The following PPP1R14D variants were observed in gnomAD, a reference collection of about 807,000 sequenced individuals.
PPP1R14D encodes the protein protein phosphatase 1 regulatory inhibitor subunit 14D.
A neutral mutation model predicts 17.1 loss-of-function variants in PPP1R14D; 14 were observed. The observed-to-expected ratio is 0.82, with a 90% CI of 0.54 to 1.28. The LOEUF (loss-of-function observed/expected upper bound fraction) is 1.28, where lower values mean the gene tolerates loss of function less well. Ranked by LOEUF, PPP1R14D falls within the 50% of genes most tolerant of loss-of-function variation. PPP1R14D has a pLI of 0.00. For missense variants in PPP1R14D, 173 were observed against 179.2 expected, an observed-to-expected ratio of 0.97 and a Z score of 0.20; for synonymous variants, 67 against 66.1, an observed-to-expected ratio of 1.01 and a Z score of -0.06.
chr15:40,815,910 C>A, intron 3 of PPP1R14D, 52 bp downstream of exon 3: 1 of 1,605,798 alleles, frequency 6.2e-7, no homozygotes, highest in Non-Finnish European at 8.5e-7. Context: ...CATTAGCTAC[C>A]TCCCCCATTG....
At chr15:40,821,067 G>A (rs1182664090) in intron 1 of PPP1R14D, among the ~76,000 whole-genome samples, 3 of 151,648 alleles carry the variant, frequency 2.0e-5, no homozygotes, top group Non-Finnish European at 2.9e-5. Context: ...GCCGGGTGCC[G>A]TGGCTCACGC....
chr15:40,827,474 C>T (rs1290337872), intron 1 of PPP1R14D, among the ~76,000 whole-genome samples: 2 of 152,090 alleles, frequency 1.3e-5, no homozygotes, highest in African/African-American at 4.8e-5. Flanking sequence ...CGGCATTGCA[C>T]TCCAGGCTGG....
At chr15:40,827,985 A>C (rs1890899036) in intron 1 of PPP1R14D, among the ~76,000 whole-genome samples, 1 of 152,152 alleles carries the variant, frequency 6.6e-6, no homozygotes, top group Non-Finnish European at 1.5e-5. Context: ...GAAAAAGAAA[A>C]GAAACGAAAA....
chr15:40,815,521 A>G lies in PPP1R14D; in HGVS notation c.*175T>C. ...TGGACAACAGCCAGCTTTCTCCCAGAGAGCCCAGCTGACAGAAACTAGCTG... is the reference window on the plus strand; with the variant it reads ...TGGACAACAGCCAGCTTTCTCCCAGGGAGCCCAGCTGACAGAAACTAGCTG... On this transcript the variant is annotated 3_prime_UTR_variant, in exon 4 of 4. Coordinates refer to ENST00000299174, the MANE Select transcript of PPP1R14D (RefSeq NM_017726.8). 1.2e-6 allele frequency: 1 copy of G among 805,752 alleles called. No homozygotes were observed. The highest frequency in any genetic ancestry group is 1.9e-6 in the Non-Finnish European group (1 of 525,214). 49.9% of individuals were successfully genotyped at this position (805,752 alleles called of 1,614,324 possible).
intron 1 of PPP1R14D, among the ~76,000 whole-genome samples, chr15:40,822,169 A>C (rs1890790881): frequency 6.6e-6 from 1 of 152,016 alleles, no homozygotes; most frequent in Non-Finnish European, 1.5e-5. Context: ...ATCTGAAGTT[A>C]GCTTATTACT....
At chr15:40,823,408 G>A (rs982500396) in intron 1 of PPP1R14D, among the ~76,000 whole-genome samples, 2 of 151,902 alleles carry the variant, frequency 1.3e-5, no homozygotes, top group East Asian at 3.9e-4. Context: ...TACCCAGCAG[G>A]AAAAAAAGAA....
intron 1 of PPP1R14D, chr15:40,817,123 A>C (rs1369842332): frequency 6.3e-6 from 1 of 159,608 alleles, no homozygotes; most frequent in African/African-American, 2.5e-5. Flanking sequence ...TTGGGAGGCC[A>C]AGGCGGGTGT....
intron 1 of PPP1R14D, among the ~76,000 whole-genome samples, chr15:40,827,672 G>A (rs1430843361): frequency 6.6e-6 from 1 of 152,154 alleles, no homozygotes; most frequent in Non-Finnish European, 1.5e-5. Flanking sequence ...TGTAATCCCA[G>A]CACTTTGAGA....
intron 3 of PPP1R14D, 44 bp from the exon 4 acceptor site, chr15:40,815,805 C>A: frequency 6.5e-7 from 1 of 1,540,876 alleles, no homozygotes; most frequent in South Asian, 1.2e-5. Flanking sequence ...GGTCACAATT[C>A]ACCCCCCACC....
chr15:40,818,771 A>G (rs1023928324), intron 1 of PPP1R14D, among the ~76,000 whole-genome samples: 1 of 152,202 alleles, frequency 6.6e-6, no homozygotes, highest in Non-Finnish European at 1.5e-5. Flanking sequence ...TGACACTATA[A>G]CGGTGGATAC....
Position 40,816,219 on chromosome 15 carries a change from AG to A in PPP1R14D, c.289del (p.Leu97TrpfsTer66). 6.2e-7 allele frequency: 1 copy of A among 1,614,142 alleles called. No individual in the cohort carries two copies. The highest frequency in any genetic ancestry group is 8.5e-7 in the Non-Finnish European group (1 of 1,180,042). ...TGTGGATAGATCCATGAGAGCTTCC[AG>A]GTCAATCTCAGGCTCAGAAGGGGTT... ...QATPSEPEIDLEALMDLSTEE... is the reference protein window; with the variant it reads ...QATPSEPEIDXEALMDLSTEE... On this transcript the variant is annotated frameshift_variant, in exon 2 of 4. Coordinates refer to ENST00000299174, the MANE Select transcript of PPP1R14D (RefSeq NM_017726.8). LOFTEE classifies it high-confidence loss of function.
rs747121904 is a variant in PPP1R14D, at chr15:40,815,744, C to T, written c.390G>A (p.Leu130=). 4 of 1,612,666 alleles carry T rather than the reference C, an allele frequency of 2.5e-6. No individual in the cohort carries two copies. In the Admixed American group the frequency reaches 6.7e-5, roughly 27 times the overall value. ...TCCGGAGTTTCTTGAGTTGACTGAGCAGCTCAGAGATAAAAGCCTGAGGGA... is the reference window on the plus strand; with the variant it reads ...TCCGGAGTTTCTTGAGTTGACTGAGTAGCTCAGAGATAAAAGCCTGAGGGA... ...PRPTEAFISE[L]LSQLKKLRRL... The change falls in exon 4 of 4, where the codon CTG becomes CTA. Residue 130 remains leucine (L), a synonymous_variant. Transcript: ENST00000299174.
chr15:40,828,584 A>C lies in PPP1R14D; in HGVS notation c.58T>G (p.Cys20Gly). ...CCAGAAGCCCAGTGGACCTTCTTAC[A>C]TGGGTTCTCCCCATCTGGGCTGGGA... is the stretch of plus-strand genomic sequence containing the variant. ...TSPSPDGENP[C>G]KKVHWASGRR... Residue 20 changes from cysteine (C) to glycine (G), a missense_variant, in exon 1 of 4, where the codon TGT becomes GGT. Cys to Gly is a radical substitution (Grantham distance 159, BLOSUM62 -3). Transcript: ENST00000299174. 1 of 1,614,026 alleles carries C rather than the reference A, an allele frequency of 6.2e-7. No individual in the cohort carries two copies. Among genetic ancestry groups the C allele is most frequent in the Non-Finnish European group, 8.5e-7 (1 of 1,179,950 alleles).
At position 40,816,000 on chromosome 15, in the gene PPP1R14D, TAGG is replaced by T. The variant is rs1249417151; in HGVS notation, c.340-9_340-7del. The T allele has an allele frequency of 5.0e-6, 8 of 1,613,894 alleles. No individual in the cohort carries two copies. The highest frequency in any genetic ancestry group is 1.6e-4 in the Middle Eastern group (1 of 6,084). On this transcript the variant is annotated splice_region_variant and splice_polypyrimidine_tract_variant and intron_variant, in intron 2 of 3. Transcript: ENST00000299174. ...GGGCAGTTCCCAAGAATGGCCTAGA[TAGG>T]AGAGAACACAGACAGGGCCCCAAGT...
At chr15:40,821,158 A>T (rs1890769729) in intron 1 of PPP1R14D, among the ~76,000 whole-genome samples, 1 of 152,000 alleles carries the variant, frequency 6.6e-6, no homozygotes, top group Non-Finnish European at 1.5e-5. Context: ...AACATGGTGA[A>T]ACCCCATCTC....
At chr15:40,823,539 G>A (rs953006100) in intron 1 of PPP1R14D, among the ~76,000 whole-genome samples, 4 of 152,156 alleles carry the variant, frequency 2.6e-5, no homozygotes, top group Non-Finnish European at 5.9e-5. Context: ...CATAGTAAGT[G>A]ACCTATATAG....
intron 1 of PPP1R14D, among the ~76,000 whole-genome samples, chr15:40,819,196 G>C (rs1292698751): frequency 6.6e-6 from 1 of 152,158 alleles, no homozygotes; most frequent in Non-Finnish European, 1.5e-5. Context: ...TACTAGTACA[G>C]TTTAGTGCCA....
In PPP1R14D at chr15:40,816,499, G is replaced by A. The variant is rs542699635; in HGVS notation, c.256-246C>T. Among the ~76,000 whole-genome samples, 9 of 152,264 alleles carry A rather than the reference G, an allele frequency of 5.9e-5. No individual in the cohort carries two copies. In the South Asian group the frequency reaches 1.9e-3, roughly 32 times the overall value. On this transcript the variant is annotated intron_variant, in intron 1 of 3. Transcript: ENST00000299174. ...AGGCCGAGGCAGGCAGATCACCTGAGGTCAGGAGTTTAAGACCAGCCTGGC... is the reference window on the plus strand; with the variant it reads ...AGGCCGAGGCAGGCAGATCACCTGAAGTCAGGAGTTTAAGACCAGCCTGGC...
rs577967586 is a variant in PPP1R14D, at chr15:40,823,131, A to G, written c.255+5256T>C. Among the ~76,000 whole-genome samples the G allele has an allele frequency of 3.3e-5, 5 of 151,624 alleles. No homozygotes were observed. In the South Asian group the frequency reaches 1.0e-3, roughly 32 times the overall value. Reference sequence around the variant, plus strand: ...AGGTGGCCACCACCATGCCTGGCTAATTTTGTATTTTTAGTAGAGACGGGA... The same window carrying G: ...AGGTGGCCACCACCATGCCTGGCTAGTTTTGTATTTTTAGTAGAGACGGGA... On this transcript the variant is annotated intron_variant, in intron 1 of 3. Coordinates refer to ENST00000299174, the MANE Select transcript of PPP1R14D (RefSeq NM_017726.8).
Sources: gnomAD v4.1 joint callset for allele counts (sites outside exome capture counted in the v4.1 genomes callset) on GRCh38, gnomAD v4.1.1 for gene constraint, MANE v1.5 for transcripts, NCBI Gene and HGNC (gene_info 2026-07-23, HGNC 2026-07-21) for gene names.